Variants in ITGA2 observed in about 807,000 individuals in gnomAD.
ITGA2 encodes the protein integrin alpha-2.
In ITGA2, 101 loss-of-function variants were observed where a neutral mutation model predicts 146.3. That is an observed-to-expected ratio of 0.69 (90% confidence interval 0.59 to 0.81). ITGA2 has a LOEUF of 0.81. ITGA2 is among the 40% of genes least tolerant of loss of function. ITGA2 has a pLI of 0.00. For missense variants in ITGA2, 1,281 were observed against 1,402.7 expected, an observed-to-expected ratio of 0.91 and a Z score of 1.39; for synonymous variants, 477 against 487.1, an observed-to-expected ratio of 0.98 and a Z score of 0.27.
chr5:53,039,883 A>G (rs1485426841), intron 2 of ITGA2, among the ~76,000 whole-genome samples: 1 of 152,018 alleles, frequency 6.6e-6, no homozygotes, highest in Non-Finnish European at 1.5e-5. Flanking sequence ...CATTTGTTCA[A>G]CAAGTGGTTA....
rs752392366 is a variant in ITGA2, at chr5:53,048,489, A to G, written c.502+12A>G. 17 of 1,612,912 alleles carry G rather than the reference A, an allele frequency of 1.1e-5. No homozygotes were observed. Among genetic ancestry groups the G allele is most frequent in the Non-Finnish European group, 1.4e-5 (16 of 1,179,044 alleles). On this transcript the variant is annotated intron_variant, in intron 5 of 29. Coordinates refer to ENST00000296585, the MANE Select transcript of ITGA2 (RefSeq NM_002203.4). ...ACCTGCAACTCAGCGTAAGTTATTA[A>G]TGTGCAGATGGTCTGAGCAATGCCT...
intron 4 of ITGA2, among the ~76,000 whole-genome samples, chr5:53,046,686 C>T: frequency 6.6e-6 from 1 of 150,790 alleles, no homozygotes; most frequent in South Asian, 2.1e-4. Context: ...AGCAGAGAGG[C>T]AGAAAGAGAG....
intron 21 of ITGA2, 120 bp from the exon 22 acceptor site, chr5:53,074,941 G>C (rs41531548): frequency 0.018 from 13,119 of 714,512 alleles, 319 homozygotes; most frequent in Admixed American, 0.091. Flanking sequence ...GAAAGCTTAA[G>C]GTATATAAAA....
chr5:53,011,852 A>C (rs1419232007), intron 1 of ITGA2, among the ~76,000 whole-genome samples: 1 of 152,138 alleles, frequency 6.6e-6, no homozygotes, highest in Non-Finnish European at 1.5e-5. Flanking sequence ...CAAGGTCCTC[A>C]AGGCTGAGAA....
chr5:53,039,739 CAAAAAAAA>C (rs1175067104), intron 2 of ITGA2, among the ~76,000 whole-genome samples: 1 of 33,266 alleles, frequency 3.0e-5, no homozygotes, highest in Non-Finnish European at 5.4e-5. Context: ...GACTCCATCT[CAAAAAAAA>C]AAAAAAAAAA....
intron 15 of ITGA2, 52 bp from the exon 16 acceptor site, chr5:53,067,066 A>G: frequency 6.4e-7 from 1 of 1,573,518 alleles, no homozygotes. Flanking sequence ...AGGATATAAT[A>G]CGTGTGCTCA....
At chr5:52,992,690 A>G (rs1023848172) in intron 1 of ITGA2, among the ~76,000 whole-genome samples, 14 of 152,052 alleles carry the variant, frequency 9.2e-5, no homozygotes, top group Non-Finnish European at 7.4e-5. Context: ...TTCTTTTCTT[A>G]TCTCTCCAAC....
chr5:53,010,583 C>T (rs1055463242), intron 1 of ITGA2, among the ~76,000 whole-genome samples: 6 of 152,214 alleles, frequency 3.9e-5, no homozygotes, highest in East Asian at 3.9e-4. Flanking sequence ...TCACTCACAC[C>T]AAATTTAGAT....
rs1396563952 is a variant in ITGA2 at position 53,055,525 on chromosome 5, T to G, written c.780-13T>G. Reference sequence around the variant, plus strand: ...TTTGATAGCAAGTCTTTATTTAATTTTATCTGCCACAGAAAATATGCTTAT... The same window carrying G: ...TTTGATAGCAAGTCTTTATTTAATTGTATCTGCCACAGAAAATATGCTTAT... On this transcript the variant is annotated splice_polypyrimidine_tract_variant and intron_variant, in intron 7 of 29. Coordinates refer to ENST00000296585, the MANE Select transcript of ITGA2 (RefSeq NM_002203.4). 4 of 1,612,216 alleles carry G rather than the reference T, an allele frequency of 2.5e-6. No individual in the cohort carries two copies.
chr5:53,011,328 C>T (rs1742114357), intron 1 of ITGA2, among the ~76,000 whole-genome samples: 1 of 152,110 alleles, frequency 6.6e-6, no homozygotes, highest in South Asian at 2.1e-4. Flanking sequence ...ATCATTCATA[C>T]AATACCTTTG....
chr5:53,070,188 T>C lies in ITGA2; in HGVS notation c.2163T>C (p.Asn721=), dbSNP rs1313536328. 6.2e-7 allele frequency: 1 copy of C among 1,611,966 alleles called. No homozygotes were observed. Among genetic ancestry groups the C allele is most frequent in the Non-Finnish European group, 8.5e-7 (1 of 1,178,710 alleles). The change falls in exon 17 of 30, where the codon AAT becomes AAC. Residue 721 remains asparagine, a synonymous_variant. Coordinates refer to ENST00000296585, the MANE Select transcript of ITGA2 (RefSeq NM_002203.4). The part of the protein sequence containing the change: ...VTSRGLFKEN[N]ERCLQKNMVV... ...CCAGGGGGTTATTTAAAGAAAACAA[T>C]GAAAGGTGCCTGCAGAAGAATATGG...
intron 1 of ITGA2, among the ~76,000 whole-genome samples, chr5:53,021,678 C>T (rs1472487677): frequency 6.6e-6 from 1 of 152,182 alleles, no homozygotes; most frequent in Non-Finnish European, 1.5e-5. Context: ...AAATGTGCTC[C>T]ACCTTCTTAA....
At chr5:53,023,717 T>C (rs1178468277) in intron 1 of ITGA2, among the ~76,000 whole-genome samples, 3 of 152,160 alleles carry the variant, frequency 2.0e-5, no homozygotes, top group Non-Finnish European at 2.9e-5. Context: ...TTATTATCCA[T>C]ATGATTCAGT....
At chr5:53,019,242 C>T (rs748235544) in intron 1 of ITGA2, among the ~76,000 whole-genome samples, 23 of 151,990 alleles carry the variant, frequency 1.5e-4, no homozygotes, top group Non-Finnish European at 2.9e-4. Flanking sequence ...TATAAATAAG[C>T]AAACTCATTA....
intron 1 of ITGA2, among the ~76,000 whole-genome samples, chr5:53,000,891 C>CTTTTTTTTT (rs1407616111): frequency 3.8e-5 from 4 of 105,122 alleles, no homozygotes; most frequent in East Asian, 2.7e-4. Context: ...TTTTCTTTTT[C>CTTTTTTTTT]TTTTTGTTTT....
chr5:52,998,478 C>T (rs1342384082), intron 1 of ITGA2, among the ~76,000 whole-genome samples: 1 of 152,012 alleles, frequency 6.6e-6, no homozygotes, highest in South Asian at 2.1e-4. Flanking sequence ...AAAAAACAAA[C>T]AAACAAAAAA....
chr5:53,031,703 A>G (rs891323526), intron 2 of ITGA2, among the ~76,000 whole-genome samples: 1 of 152,200 alleles, frequency 6.6e-6, no homozygotes, highest in African/African-American at 2.4e-5. Flanking sequence ...AACAGTCTCA[A>G]GTGAGCGGGA....
chr5:53,009,762 T>C (rs1579792775), intron 1 of ITGA2, among the ~76,000 whole-genome samples: 1 of 152,082 alleles, frequency 6.6e-6, no homozygotes, highest in East Asian at 1.9e-4. Context: ...CATTTGGAGA[T>C]TGAGTCTTTG....
At chr5:53,018,994 G>A (rs572664071) in intron 1 of ITGA2, among the ~76,000 whole-genome samples, 7 of 152,186 alleles carry the variant, frequency 4.6e-5, no homozygotes, top group African/African-American at 1.7e-4. Flanking sequence ...AACCCGGGAG[G>A]CGGAGGTTGC....
Sources: gnomAD v4.1 joint callset for allele counts (sites outside exome capture counted in the v4.1 genomes callset) on GRCh38, gnomAD v4.1.1 for gene constraint, MANE v1.5 for transcripts, NCBI Gene and HGNC (gene_info 2026-07-23, HGNC 2026-07-21) for gene names.